ZNF148: variants seen among roughly 807,000 people sequenced by gnomAD.
ZNF148 encodes Beta-Enolase Repressor Factor-1.
Under a neutral mutation model 67.7 loss-of-function variants are expected in ZNF148, and 7 were observed. The ratio of observed to expected loss-of-function variants is 0.10; its 90% CI spans 0.06 to 0.19. The LOEUF is 0.19. Ranked by LOEUF, ZNF148 falls within the 10% of genes least tolerant of loss-of-function variation. The pLI is 1.00. For missense variants in ZNF148, 583 were observed against 947.1 expected (o/e 0.62, Z 5.05); for synonymous variants, 333 against 330.7 (o/e 1.01, Z -0.08).
intron 5 of ZNF148, among the ~76,000 whole-genome samples, chr3:125,283,383 C>G (rs982638751): frequency 6.6e-6 from 1 of 152,090 alleles, no homozygotes; most frequent in African/African-American, 2.4e-5. Context: ...AAGCATGGCA[C>G]AACAACTATG....
At chr3:125,255,725 C>T (rs1937044701) in intron 7 of ZNF148, among the ~76,000 whole-genome samples, 1 of 152,060 alleles carries the variant, frequency 6.6e-6, no homozygotes, top group Non-Finnish European at 1.5e-5. Context: ...CATAAAGGGA[C>T]AGAATTCTAG....
chr3:125,360,089 C>T (rs1484417043), intron 1 of ZNF148, among the ~76,000 whole-genome samples: 1 of 152,100 alleles, frequency 6.6e-6, no homozygotes, highest in African/African-American at 2.4e-5. Flanking sequence ...CTGTTTAAAC[C>T]CCTTTCCATA....
chr3:125,243,817 C>T (rs747696769), intron 7 of ZNF148, among the ~76,000 whole-genome samples: 16 of 152,162 alleles, frequency 1.1e-4, no homozygotes, highest in Non-Finnish European at 2.2e-4. Flanking sequence ...TGAACTACCA[C>T]GTCTGACCTG....
At chr3:125,241,387 T>C (rs566305149) in intron 7 of ZNF148, among the ~76,000 whole-genome samples, 3 of 151,738 alleles carry the variant, frequency 2.0e-5, no homozygotes, top group Non-Finnish European at 4.4e-5. Context: ...GGGACTCAAG[T>C]GATATTCCCA....
chr3:125,350,472 T>C (rs546346409), intron 1 of ZNF148, among the ~76,000 whole-genome samples: 33 of 152,312 alleles, frequency 2.2e-4, no homozygotes, highest in South Asian at 1.0e-3. Context: ...CCATGGATTT[T>C]TGAGGAAATA....
At chr3:125,369,001 C>A (rs1942785788) in intron 1 of ZNF148, among the ~76,000 whole-genome samples, 1 of 150,598 alleles carries the variant, frequency 6.6e-6, no homozygotes, top group Non-Finnish European at 1.5e-5. Context: ...GTGGCTCACA[C>A]CTGTAATCCC....
At chr3:125,268,604 T>C (rs1937593452) in intron 7 of ZNF148, among the ~76,000 whole-genome samples, 1 of 152,158 alleles carries the variant, frequency 6.6e-6, no homozygotes, top group Non-Finnish European at 1.5e-5. Flanking sequence ...ATAAAAATCC[T>C]GGAAGAAAAC....
In ZNF148 at chr3:125,233,191, C is replaced by T. The variant is rs373684372; in HGVS notation, c.1535G>A (p.Ser512Asn). 5.6e-6 allele frequency: 9 copies of T among 1,613,746 alleles called. No individual in the cohort carries two copies. The African/African-American group carries it at 6.7e-5, about 12-fold the overall frequency. The change falls in exon 9 of 9, where the codon AGT becomes AAT. Residue 512 changes from serine (S) to asparagine (N), a missense_variant. Physicochemically the swap from Ser to Asn is conservative, Grantham distance 46 (BLOSUM62 1). Coordinates refer to ENST00000360647, the MANE Select transcript of ZNF148 (RefSeq NM_021964.3). The surrounding 1 kb of genome is among the most constrained non-coding windows in gnomAD (Gnocchi z 5.1). ...TGACTCTAATATGGATGCCGTGGTA[C>T]TTTCATCAATGACACTTGCCACAGC... ...QAAVASVIDE[S>N]TTASILESQA...
At chr3:125,254,612 T>A (rs912914915) in intron 7 of ZNF148, among the ~76,000 whole-genome samples, 7 of 152,224 alleles carry the variant, frequency 4.6e-5, no homozygotes, top group Non-Finnish European at 7.3e-5. Flanking sequence ...TTTCCTTCAT[T>A]TCTAATAATG....
At chr3:125,292,187 G>A (rs534267361) in intron 4 of ZNF148, among the ~76,000 whole-genome samples, 4 of 152,258 alleles carry the variant, frequency 2.6e-5, no homozygotes, top group African/African-American at 9.6e-5. Flanking sequence ...TACACTGATG[G>A]ATAGGCCTGT....
intron 7 of ZNF148, among the ~76,000 whole-genome samples, chr3:125,255,644 T>A (rs1486138251): frequency 6.6e-6 from 1 of 152,144 alleles, no homozygotes; most frequent in Non-Finnish European, 1.5e-5. Flanking sequence ...GGAACAAATT[T>A]ACTCAGTTTT....
In ZNF148 at chr3:125,247,444, C is replaced by CT. The variant is rs34643582; in HGVS notation, c.668-13116dup. The stretch of plus-strand genomic sequence containing the variant: ...GAAACAGCAAATGAGAGCAGGAAAA[C>CT]TTTTTTTTTTGAGACAGAGTCTCAC... On this transcript the variant is annotated intron_variant, in intron 7 of 8. Coordinates refer to ENST00000360647, the MANE Select transcript of ZNF148 (RefSeq NM_021964.3). Among the ~76,000 whole-genome samples the CT allele has an allele frequency of 5.5e-4, 82 of 149,416 alleles. 1 individual carries two copies. Among genetic ancestry groups the CT allele is most frequent in the African/African-American group, 1.7e-3 (71 of 40,824 alleles).
chr3:125,358,342 T>C (rs931722305), intron 1 of ZNF148, among the ~76,000 whole-genome samples: 22 of 152,100 alleles, frequency 1.4e-4, no homozygotes, highest in African/African-American at 4.8e-4. Flanking sequence ...AAAAGCTTCA[T>C]AAATCACTTC....
At chr3:125,268,753 G>A (rs546535350) in intron 7 of ZNF148, among the ~76,000 whole-genome samples, 202 of 152,102 alleles carry the variant, frequency 1.3e-3, no homozygotes, top group Non-Finnish European at 2.4e-3. Flanking sequence ...GCCAAAGTAA[G>A]AGGACTGCTT....
At chr3:125,273,618 C>A (rs1452879365) in intron 7 of ZNF148, among the ~76,000 whole-genome samples, 1 of 151,788 alleles carries the variant, frequency 6.6e-6, no homozygotes, top group Non-Finnish European at 1.5e-5. Context: ...CTCAGCCTCC[C>A]GAGTAGCTAG....
At chr3:125,237,172 G>A (rs901180460) in intron 7 of ZNF148, among the ~76,000 whole-genome samples, 3 of 152,208 alleles carry the variant, frequency 2.0e-5, no homozygotes, top group South Asian at 2.1e-4. Flanking sequence ...ACTGAATACC[G>A]CCGAAATGGT....
In ZNF148 at chr3:125,313,421, T is replaced by C. The variant is rs376470547; in HGVS notation, c.220A>G (p.Met74Val). 6.8e-6 allele frequency: 11 copies of C among 1,614,062 alleles called. No individual in the cohort carries two copies. Among genetic ancestry groups the C allele is most frequent in the Non-Finnish European group, 9.3e-6 (11 of 1,180,020 alleles). The change falls in exon 4 of 9, where the codon ATG becomes GTG. Residue 74 changes from methionine to valine, a missense_variant. This residue lies in a region of ZNF148 where 150 missense variants were observed against 202.5 expected (regional missense o/e 0.74). Coordinates refer to ENST00000360647, the MANE Select transcript of ZNF148 (RefSeq NM_021964.3). Reference sequence around the variant, plus strand: ...ACCATGAGTTCATCATGTGATATCATATCCTGTTGTCTCATTTCACTTTCT... The same window carrying C: ...ACCATGAGTTCATCATGTGATATCACATCCTGTTGTCTCATTTCACTTTCT... ...LQESEMRQQD[M>V]ISHDELMVHE...
At chr3:125,350,145 T>C (rs1251751862) in intron 1 of ZNF148, among the ~76,000 whole-genome samples, 1 of 130,430 alleles carries the variant, frequency 7.7e-6, no homozygotes, top group Admixed American at 7.7e-5. Flanking sequence ...TCCAAAAGAA[T>C]TGATAATGGG....
rs566306809 is a variant in ZNF148, at chr3:125,265,875, T to C, written c.667+11851A>G. ...TTAATTAATGCACTTGTCTCTTTAA[T>C]TTTAACTAATCACACAAATGTAAAA... On this transcript the variant is annotated intron_variant, in intron 7 of 8. Coordinates refer to ENST00000360647, the MANE Select transcript of ZNF148 (RefSeq NM_021964.3). 2.0e-5 allele frequency among the ~76,000 whole-genome samples: 3 copies of C among 152,274 alleles called. No homozygotes were observed. In the South Asian group the frequency reaches 6.2e-4, roughly 32 times the overall value.
Sources: gnomAD v4.1 joint callset for allele counts (sites outside exome capture counted in the v4.1 genomes callset) on GRCh38, gnomAD v4.1.1 for gene constraint, gnomAD v4.1.1 regional missense constraint, Gnocchi (gnomAD v3.1) non-coding constraint, MANE v1.5 for transcripts, NCBI Gene and HGNC (gene_info 2026-07-23, HGNC 2026-07-21) for gene names.